CD84: variants seen among roughly 807,000 people sequenced by gnomAD.
CD84 encodes SLAM family member 5.
A neutral mutation model predicts 33.8 loss-of-function variants in CD84; 22 were observed. The ratio of observed to expected loss-of-function variants is 0.65; its 90% confidence interval spans 0.46 to 0.93. CD84 has a LOEUF of 0.93. Among genes scored for constraint, CD84 ranks in the 40% least tolerant of loss-of-function variants. CD84 has a pLI of 0.00. For synonymous variants in CD84, 154 were observed against 145.2 expected, an observed-to-expected ratio of 1.06 and a Z score of -0.44; for missense variants, 400 against 397.6, an observed-to-expected ratio of 1.01 and a Z score of -0.05.
intron 2 of CD84, among the ~76,000 whole-genome samples, chr1:160,559,582 A>G (rs1656820667): frequency 6.6e-6 from 1 of 152,228 alleles, no homozygotes; most frequent in South Asian, 2.1e-4. Context: ...ACAAGTCTGC[A>G]AAATAACCAG....
At chr1:160,552,672 G>A (rs1488277098) in intron 4 of CD84, 3 of 1,494,434 alleles carry the variant, frequency 2.0e-6, no homozygotes, top group Non-Finnish European at 2.7e-6. Context: ...CCTCCCAATT[G>A]TTATTCAAGG....
intron 2 of CD84, among the ~76,000 whole-genome samples, chr1:160,561,249 T>G (rs1366083967): frequency 3.3e-5 from 5 of 152,268 alleles, no homozygotes; most frequent in Admixed American, 3.3e-4. Context: ...TAATGAACAT[T>G]GATGCAGAAA....
At chr1:160,556,687 T>G (rs1183226393) in intron 2 of CD84, among the ~76,000 whole-genome samples, 1 of 152,242 alleles carries the variant, frequency 6.6e-6, no homozygotes, top group East Asian at 1.9e-4. Context: ...TGATGTTCAA[T>G]AAATGTTAGT....
Position 160,554,017 on chromosome 1 carries a change from T to C in CD84, c.518A>G (p.Glu173Gly). The C allele has an allele frequency of 6.2e-7, 1 of 1,614,204 alleles. No homozygotes were observed. The highest frequency in any genetic ancestry group is 8.5e-7 in the Non-Finnish European group (1 of 1,180,038). ...NVTYNWSPLG[E>G]EGNVLQIFQT... ...GAAGATTTGAAGGACATTACCCTCT[T>C]CTCCCAGGGGACTCCAATTGTATGT... is the stretch of plus-strand genomic sequence containing the variant. The change falls in exon 3 of 7, where the codon GAA becomes GGA. Residue 173 changes from glutamate (E) to glycine (G), a missense_variant. Coordinates refer to ENST00000368054, the MANE Select transcript of CD84 (RefSeq NM_003874.4).
chr1:160,561,344 T>G (rs916335455), intron 2 of CD84, among the ~76,000 whole-genome samples: 2 of 152,204 alleles, frequency 1.3e-5, no homozygotes, highest in Non-Finnish European at 2.9e-5. Flanking sequence ...ATCCCTAGGA[T>G]GCAAGTTTGG....
chr1:160,562,978 CAT>C lies in CD84; in HGVS notation c.388+2424_388+2425del, dbSNP rs568140691. 3.8e-3 allele frequency among the ~76,000 whole-genome samples: 582 copies of C among 152,182 alleles called. 3 individuals are homozygous for C. The highest frequency in any genetic ancestry group is 0.013 in the African/African-American group (560 of 41,512). On this transcript the variant is annotated intron_variant, in intron 2 of 6. Transcript: ENST00000368054. ...AGAAGACATTCATGCAGCCAACAAA[CAT>C]GTGAAAAAAAGCTAAACATCACTGA... is the stretch of plus-strand genomic sequence containing the variant.
intron 2 of CD84, among the ~76,000 whole-genome samples, chr1:160,556,545 T>C (rs934711271): frequency 3.3e-5 from 5 of 152,280 alleles, no homozygotes; most frequent in African/African-American, 1.2e-4. Context: ...AGAAGCTGGC[T>C]ACAGCCACTG....
At position 160,548,082 on chromosome 1, in the gene CD84, T is replaced by C; in HGVS notation, c.*174A>G. ...TTCAGGAAGGGTATGCATCCATTTG[T>C]CCATTTAGGCACAAGCTATGCCCAG... On this transcript the variant is annotated 3_prime_UTR_variant, in exon 7 of 7. Transcript: ENST00000368054. 2 of 646,682 alleles carry C rather than the reference T, an allele frequency of 3.1e-6. No individual in the cohort carries two copies. The highest frequency in any genetic ancestry group is 5.1e-5 in the Admixed American group (2 of 38,944). 40.1% of individuals were successfully genotyped at this position (646,682 alleles called of 1,614,324 possible).
intron 4 of CD84, among the ~76,000 whole-genome samples, chr1:160,551,584 C>T (rs926868111): frequency 2.6e-5 from 4 of 152,184 alleles, no homozygotes; most frequent in African/African-American, 9.7e-5. Flanking sequence ...CTGTCACCCA[C>T]GTTGGAGTGC....
chr1:160,570,532 A>C (rs1405086201), intron 1 of CD84, among the ~76,000 whole-genome samples: 1 of 152,192 alleles, frequency 6.6e-6, no homozygotes, highest in East Asian at 1.9e-4. Context: ...CAACAGAATA[A>C]AAATGGAAGT....
chr1:160,570,485 C>A (rs1657623145), intron 1 of CD84, among the ~76,000 whole-genome samples: 1 of 152,166 alleles, frequency 6.6e-6, no homozygotes, highest in Non-Finnish European at 1.5e-5. Flanking sequence ...GTCCTGCTTT[C>A]TTCTAGCTAA....
Position 160,547,382 on chromosome 1 carries a change from G to C in CD84, c.*874C>G. On this transcript the variant is annotated 3_prime_UTR_variant, in exon 7 of 7. Coordinates refer to ENST00000368054, the MANE Select transcript of CD84 (RefSeq NM_003874.4). ...AATACTGGGCATGGCTGCTTCTTCT[G>C]CTGAGGCTGCTTGGAGTGATACAGA... 1 of 393,492 alleles carries C rather than the reference G, an allele frequency of 2.5e-6. No homozygotes were observed. Among genetic ancestry groups the C allele is most frequent in the East Asian group, 3.6e-5 (1 of 27,808 alleles). The allele number at this position is 393,492 out of a possible 1,614,324, so 24.4% of individuals were successfully genotyped here.
chr1:160,567,853 T>A (rs902198780), intron 1 of CD84, among the ~76,000 whole-genome samples: 73 of 152,202 alleles, frequency 4.8e-4, no homozygotes, highest in Middle Eastern at 3.4e-3. Flanking sequence ...CCAGCGTGAA[T>A]CCCTGGATGG....
intron 2 of CD84, among the ~76,000 whole-genome samples, chr1:160,563,018 T>C (rs2578442): frequency 1.3e-5 from 2 of 151,744 alleles, no homozygotes; most frequent in African/African-American, 2.4e-5. Flanking sequence ...ATTAGAAAAA[T>C]GCAAATCAAA....
chr1:160,570,615 C>G (rs142106690), intron 1 of CD84, among the ~76,000 whole-genome samples: 2 of 152,292 alleles, frequency 1.3e-5, no homozygotes, highest in African/African-American at 4.8e-5. Context: ...AATCCCAACA[C>G]TTTGGGAGGC....
chr1:160,564,662 A>G (rs2102177774), intron 2 of CD84, among the ~76,000 whole-genome samples: 1 of 152,338 alleles, frequency 6.6e-6, no homozygotes, highest in South Asian at 2.1e-4. Context: ...CCCAACCTCA[A>G]AAAGATACGT....
rs750906430 is a variant in CD84 at position 160,579,454 on chromosome 1, C to A, written c.-17G>T. On this transcript the variant is annotated 5_prime_UTR_variant, in exon 1 of 7. Coordinates refer to ENST00000368054, the MANE Select transcript of CD84 (RefSeq NM_003874.4). ...CTGAGCCATCTCTTTCAGGGTCTAA[C>A]CTTCTGTGGAAAAGCACGGCACTGT... 4.3e-6 allele frequency: 7 copies of A among 1,612,640 alleles called. No individual in the cohort carries two copies. In the East Asian group the frequency reaches 1.6e-4, roughly 36 times the overall value.
chr1:160,557,221 T>C (rs1249879431), intron 2 of CD84, among the ~76,000 whole-genome samples: 1 of 152,214 alleles, frequency 6.6e-6, no homozygotes, highest in Non-Finnish European at 1.5e-5. Flanking sequence ...TGGCAAAGTA[T>C]GCCTAATCCC....
At chr1:160,556,274 T>C (rs1332380840) in intron 2 of CD84, among the ~76,000 whole-genome samples, 4 of 152,222 alleles carry the variant, frequency 2.6e-5, no homozygotes, top group Non-Finnish European at 5.9e-5. Context: ...GCCAAGATTG[T>C]GGAAGCCACT....
Sources: gnomAD v4.1 joint callset for allele counts (sites outside exome capture counted in the v4.1 genomes callset) on GRCh38, gnomAD v4.1.1 for gene constraint, MANE v1.5 for transcripts, NCBI Gene and HGNC (gene_info 2026-07-23, HGNC 2026-07-21) for gene names.